Variants in DNAH12 observed in about 807,000 individuals in gnomAD.
DNAH12 encodes the protein dynein axonemal heavy chain 12, also known as axonemal beta dynein heavy chain 12.
Under a neutral mutation model 371.5 loss-of-function variants are expected in DNAH12, and 285 were observed. The ratio of observed to expected loss-of-function variants is 0.77; its 90% CI spans 0.70 to 0.85. DNAH12 has a LOEUF of 0.85. Among genes scored for constraint, DNAH12 ranks in the 40% least tolerant of loss-of-function variants. The pLI is 0.00. For missense variants in DNAH12, 3,611 were observed against 3,689.4 expected (o/e 0.98, Z 0.55); for synonymous variants, 1,200 against 1,213.0 (o/e 0.99, Z 0.22).
intron 55 of DNAH12, 129 bp from the exon 56 acceptor site, chr3:57,368,389 C>T (rs974510120): frequency 1.3e-5 from 2 of 151,846 alleles, no homozygotes; most frequent in African/African-American, 2.4e-5. Flanking sequence ...CATTACTCTT[C>T]ACAAAAGTCC....
chr3:57,450,682 A>G (rs1474201724), intron 25 of DNAH12, among the ~76,000 whole-genome samples: 1 of 152,222 alleles, frequency 6.6e-6, no homozygotes, highest in African/African-American at 2.4e-5. Context: ...TGCTCAACAA[A>G]TATTTAGGGA....
intron 49 of DNAH12, among the ~76,000 whole-genome samples, chr3:57,382,934 T>C (rs2063425344): frequency 6.6e-6 from 1 of 152,218 alleles, no homozygotes; most frequent in Admixed American, 6.5e-5. Flanking sequence ...CAACTATATA[T>C]CTTAGTTTTT....
chr3:57,383,657 T>TG (rs2063442097), intron 49 of DNAH12, among the ~76,000 whole-genome samples: 1 of 81,650 alleles, frequency 1.2e-5, no homozygotes, highest in Non-Finnish European at 2.2e-5. Flanking sequence ...TGAGTTGGGG[T>TG]GGGGGGCGGG....
intron 60 of DNAH12, among the ~76,000 whole-genome samples, chr3:57,337,759 C>G (rs1553654249): frequency 6.6e-6 from 1 of 152,130 alleles, no homozygotes; most frequent in African/African-American, 2.4e-5. Context: ...CAGAGGTACA[C>G]CCCAATACAA....
intron 11 of DNAH12, among the ~76,000 whole-genome samples, chr3:57,493,175 A>G (rs1163299917): frequency 1.3e-5 from 2 of 152,208 alleles, no homozygotes; most frequent in Non-Finnish European, 1.5e-5. Context: ...ATATTGAGAT[A>G]TATGGTAAAA....
At chr3:57,377,846 C>G (rs1462732978) in intron 52 of DNAH12, among the ~76,000 whole-genome samples, 4 of 152,134 alleles carry the variant, frequency 2.6e-5, no homozygotes, top group Non-Finnish European at 4.4e-5. Flanking sequence ...GTTTGGCCAA[C>G]TGGATCACCA....
chr3:57,329,640 A>G (rs1002422781), intron 62 of DNAH12, among the ~76,000 whole-genome samples: 14 of 148,102 alleles, frequency 9.5e-5, no homozygotes, highest in Non-Finnish European at 1.9e-4. Context: ...ACCATTCAGG[A>G]CATAGGCATG....
intron 60 of DNAH12, among the ~76,000 whole-genome samples, chr3:57,349,732 C>T (rs561366648): frequency 6.6e-5 from 10 of 152,344 alleles, no homozygotes; most frequent in African/African-American, 2.4e-4. Context: ...CTCTGTAGCT[C>T]AAGCTGGAAT....
At chr3:57,436,770 T>C (rs896837350) in intron 30 of DNAH12, among the ~76,000 whole-genome samples, 181 bp downstream of exon 30, 1 of 151,828 alleles carries the variant, frequency 6.6e-6, no homozygotes, top group African/African-American at 2.4e-5. Flanking sequence ...TACCAACCCT[T>C]GTTGGACATG....
rs564377209 is a variant in DNAH12, at chr3:57,320,539, T to A, written c.10524+1804A>T. 2.1e-4 allele frequency among the ~76,000 whole-genome samples: 32 copies of A among 152,314 alleles called. No individual in the cohort carries two copies. The East Asian group carries it at 6.0e-3, about 28-fold the overall frequency. ...ATAGTTCAAATTATTGCTGGCCTAA[T>A]TGTCAGAAATTAGCCTTATCGAAAG... On this transcript the variant is annotated intron_variant, in intron 65 of 73. Coordinates refer to ENST00000495027, the MANE Select transcript of DNAH12 (RefSeq NM_001366028.2).
intron 29 of DNAH12, 59 bp from the exon 30 acceptor site, chr3:57,437,119 C>A: frequency 3.8e-6 from 4 of 1,049,330 alleles, no homozygotes; most frequent in Non-Finnish European, 5.4e-6. Context: ...TCATACCTGT[C>A]TTATAAGTGT....
chr3:57,349,494 T>C (rs2062621161), intron 60 of DNAH12, among the ~76,000 whole-genome samples: 1 of 152,174 alleles, frequency 6.6e-6, no homozygotes, highest in Admixed American at 6.5e-5. Context: ...GAAGTCAGTA[T>C]ATGAAAAAGA....
At chr3:57,294,968 A>G (rs1442986033) in intron 73 of DNAH12, among the ~76,000 whole-genome samples, 1 of 152,224 alleles carries the variant, frequency 6.6e-6, no homozygotes, top group Non-Finnish European at 1.5e-5. Flanking sequence ...AGGGAAGAGA[A>G]AACAAAAGAA....
At chr3:57,374,392 T>C (rs1469517628) in intron 55 of DNAH12, among the ~76,000 whole-genome samples, 2 of 152,174 alleles carry the variant, frequency 1.3e-5, no homozygotes, top group Admixed American at 6.5e-5. Context: ...AATTAGATGA[T>C]AGTGTCACTA....
At chr3:57,344,696 GTTAA>G (rs1459713262) in intron 60 of DNAH12, among the ~76,000 whole-genome samples, 1 of 152,166 alleles carries the variant, frequency 6.6e-6, no homozygotes, top group East Asian at 1.9e-4. Flanking sequence ...GGAACACAAA[GTTAA>G]ACACCACATG....
At chr3:57,373,554 G>A (rs974251209) in intron 55 of DNAH12, among the ~76,000 whole-genome samples, 3 of 149,574 alleles carry the variant, frequency 2.0e-5, no homozygotes, top group East Asian at 2.0e-4. Context: ...TTGAACTCCC[G>A]ACCTTGTGAT....
intron 69 of DNAH12, among the ~76,000 whole-genome samples, chr3:57,305,545 T>C (rs982583017): frequency 2.0e-5 from 3 of 152,168 alleles, no homozygotes; most frequent in Admixed American, 2.0e-4. Context: ...AGGTTAATGC[T>C]CCTTTTTCTT....
At chr3:57,297,764 T>G (rs1034494814) in intron 70 of DNAH12, among the ~76,000 whole-genome samples, 4 of 152,170 alleles carry the variant, frequency 2.6e-5, no homozygotes, top group South Asian at 2.1e-4. Flanking sequence ...TCTTCTTGCT[T>G]CTTCCCTTTC....
intron 52 of DNAH12, among the ~76,000 whole-genome samples, chr3:57,378,756 C>G (rs2063330774): frequency 6.6e-6 from 1 of 152,178 alleles, no homozygotes; most frequent in East Asian, 1.9e-4. Flanking sequence ...TTTCCATGCT[C>G]TGCCTCTTAA....
Sources: allele counts gnomAD v4.1 joint callset (sites outside exome capture counted in the v4.1 genomes callset), GRCh38; gene constraint gnomAD v4.1.1; transcripts MANE v1.5; gene names NCBI Gene and HGNC (gene_info 2026-07-23, HGNC 2026-07-21).